GRID2: variants seen among roughly 807,000 people sequenced by gnomAD.
GRID2 encodes the protein glutamate ionotropic receptor delta type subunit 2, also known as glutamate receptor ionotropic, delta-2.
GRID2 carries 33 observed loss-of-function variants against 114.8 expected under a neutral mutation model. That is an observed-to-expected ratio of 0.29 (90% confidence interval 0.22 to 0.38). The LOEUF (loss-of-function observed/expected upper bound fraction) is 0.38. GRID2 is among the 10% of genes least tolerant of loss of function. The pLI is 1.00. For missense variants in GRID2, 1,184 were observed against 1,257.7 expected (o/e 0.94, Z 0.89); for synonymous variants, 505 against 449.9 (o/e 1.12, Z -1.55).
chr4:92,350,634 ATAT>A (rs1482718703), intron 1 of GRID2, among the ~76,000 whole-genome samples: 1 of 151,794 alleles, frequency 6.6e-6, no homozygotes, highest in African/African-American at 2.4e-5. Flanking sequence ...TTAAAGCATA[ATAT>A]GTTGTGATAA....
intron 2 of GRID2, among the ~76,000 whole-genome samples, chr4:93,032,431 A>T (rs1198798766): frequency 6.6e-6 from 1 of 152,168 alleles, no homozygotes; most frequent in Non-Finnish European, 1.5e-5. Flanking sequence ...TTTTTTTTAA[A>T]GAAATAAAAA....
intron 14 of GRID2, among the ~76,000 whole-genome samples, chr4:93,685,716 CA>C (rs1454149882): frequency 1.3e-5 from 2 of 152,032 alleles, no homozygotes; most frequent in African/African-American, 4.8e-5. Context: ...TGCTTCCCAT[CA>C]ACTTTTCTCT....
chr4:93,635,451 A>G (rs1721329495), intron 14 of GRID2, among the ~76,000 whole-genome samples: 1 of 150,898 alleles, frequency 6.6e-6, no homozygotes, highest in South Asian at 2.1e-4. Context: ...ATAACATTTT[A>G]TGCTATAAGA....
intron 1 of GRID2, among the ~76,000 whole-genome samples, chr4:92,517,495 T>A (rs979333275): frequency 3.9e-5 from 6 of 151,932 alleles, no homozygotes; most frequent in Non-Finnish European, 8.8e-5. Context: ...TTAATTTGTG[T>A]GTGTGAATGT....
In GRID2 at chr4:93,602,648, CGACT is replaced by C. The variant is rs1364243987; in HGVS notation, c.2194-23617_2194-23614del. Among the ~76,000 whole-genome samples, 11 of 152,148 alleles carry C rather than the reference CGACT, an allele frequency of 7.2e-5. 1 individual carries two copies. The highest frequency in any genetic ancestry group is 6.3e-3 in the Middle Eastern group (2 of 316). On this transcript the variant is annotated intron_variant, in intron 13 of 15. Transcript: ENST00000282020. ...AATGTGTTTGTTCTGGCTGCTTCAC[CGACT>C]GACAGTTTACTCATTTCTCTTCCTC...
At chr4:92,654,952 A>C (rs1360396135) in intron 2 of GRID2, among the ~76,000 whole-genome samples, 2 of 151,958 alleles carry the variant, frequency 1.3e-5, no homozygotes, top group African/African-American at 4.8e-5. Context: ...TTAGCCATAA[A>C]ATCTTTGCTT....
In GRID2 at chr4:92,904,903, ATAT is replaced by A. The variant is rs143786196; in HGVS notation, c.245-180088_245-180086del. On this transcript the variant is annotated intron_variant, in intron 2 of 15. Coordinates refer to ENST00000282020, the MANE Select transcript of GRID2 (RefSeq NM_001510.4). ...TTAGCATGAATTCTGGTGGAAAGAAATATTATAGTAGATCATGTTAATCTAATT... is the reference window on the plus strand; with the variant it reads ...TTAGCATGAATTCTGGTGGAAAGAAATATAGTAGATCATGTTAATCTAATT... Among the ~76,000 whole-genome samples, 145 of 152,144 alleles carry A rather than the reference ATAT, an allele frequency of 9.5e-4. 1 individual carries two copies. The highest frequency in any genetic ancestry group is 3.3e-3 in the African/African-American group (138 of 41,564).
intron 1 of GRID2, among the ~76,000 whole-genome samples, chr4:92,553,473 A>G (rs766949566): frequency 3.9e-5 from 6 of 152,096 alleles, no homozygotes; most frequent in Non-Finnish European, 7.4e-5. Context: ...CTGCATTTGT[A>G]TACCTTCGTA....
chr4:93,142,081 G>A (rs975699191), intron 4 of GRID2, among the ~76,000 whole-genome samples: 2 of 152,150 alleles, frequency 1.3e-5, no homozygotes, highest in Admixed American at 6.5e-5. Flanking sequence ...GAGCATGGTG[G>A]TGTGTGCCTG....
intron 9 of GRID2, among the ~76,000 whole-genome samples, chr4:93,405,417 A>G (rs1438527931): frequency 6.6e-6 from 1 of 152,126 alleles, no homozygotes; most frequent in Admixed American, 6.6e-5. Context: ...GAGTATTGCT[A>G]TTGTATATGT....
chr4:93,137,974 T>TTTG, intron 4 of GRID2, among the ~76,000 whole-genome samples: 1 of 140,158 alleles, frequency 7.1e-6, no homozygotes, highest in Non-Finnish European at 1.5e-5. Flanking sequence ...TCGTTTTTTT[T>TTTG]TTTTTTTTTT....
intron 2 of GRID2, among the ~76,000 whole-genome samples, chr4:92,903,985 A>G (rs1173987393): frequency 2.6e-5 from 4 of 151,910 alleles, no homozygotes; most frequent in Admixed American, 1.3e-4. Flanking sequence ...ATTCTGTTTA[A>G]TCATCACTAC....
intron 13 of GRID2, among the ~76,000 whole-genome samples, chr4:93,558,743 G>A (rs1264784442): frequency 6.6e-6 from 1 of 152,144 alleles, no homozygotes; most frequent in Admixed American, 6.5e-5. Flanking sequence ...TATGAGGCCA[G>A]CATCATCCTG....
intron 14 of GRID2, among the ~76,000 whole-genome samples, chr4:93,726,908 A>G (rs1729959630): frequency 6.6e-6 from 1 of 152,174 alleles, no homozygotes; most frequent in Non-Finnish European, 1.5e-5. Context: ...GGTTCTCTAG[A>G]TATACAATCA....
At chr4:92,956,075 A>C (rs1391610811) in intron 2 of GRID2, among the ~76,000 whole-genome samples, 1 of 152,218 alleles carries the variant, frequency 6.6e-6, no homozygotes, top group Non-Finnish European at 1.5e-5. Flanking sequence ...AAACAAAAAC[A>C]ATTTTTGGAA....
chr4:93,747,751 G>C (rs1282948578), intron 14 of GRID2, among the ~76,000 whole-genome samples: 2 of 149,032 alleles, frequency 1.3e-5, no homozygotes, highest in Non-Finnish European at 3.0e-5. Flanking sequence ...TTTTTTTTCT[G>C]TCATTGTTGA....
At chr4:92,424,358 T>A (rs1204537041) in intron 1 of GRID2, among the ~76,000 whole-genome samples, 1 of 152,076 alleles carries the variant, frequency 6.6e-6, no homozygotes, top group Admixed American at 6.6e-5. Context: ...GATGTTAAAC[T>A]TACAACTGGA....
chr4:93,809,839 A>T (rs930808526), exon 2 of GRID2: 2 of 152,228 alleles, frequency 1.3e-5, no homozygotes, highest in African/African-American at 2.4e-5. Flanking sequence ...TAGCAATTAA[A>T]AACAGTGTCT....
At chr4:92,764,129 T>C (rs1188958725) in intron 2 of GRID2, among the ~76,000 whole-genome samples, 1 of 152,146 alleles carries the variant, frequency 6.6e-6, no homozygotes. Flanking sequence ...AATCTAACCT[T>C]TTCTTTGAAG....
Sources: gnomAD v4.1 joint callset for allele counts (sites outside exome capture counted in the v4.1 genomes callset) on GRCh38, gnomAD v4.1.1 for gene constraint, MANE v1.5 for transcripts, NCBI Gene and HGNC (gene_info 2026-07-23, HGNC 2026-07-21) for gene names.